RBFOX1: variants seen among roughly 807,000 people sequenced by gnomAD.
RBFOX1 encodes RNA binding protein fox-1 homolog 1.
Under a neutral mutation model 57.7 loss-of-function variants are expected in RBFOX1, and 8 were observed. That is an observed-to-expected ratio of 0.14 (90% CI 0.08 to 0.25). RBFOX1 has a LOEUF of 0.25. RBFOX1 is among the 10% of genes least tolerant of loss of function. RBFOX1 has a pLI of 1.00. For synonymous variants in RBFOX1, 326 were observed against 222.4 expected, an observed-to-expected ratio of 1.47 and a Z score of -4.15; for missense variants, 611 against 548.5, an observed-to-expected ratio of 1.11 and a Z score of -1.14.
intron 3 of RBFOX1, among the ~76,000 whole-genome samples, chr16:6,747,139 G>T (rs748133394): frequency 6.6e-6 from 1 of 152,170 alleles, no homozygotes; most frequent in Non-Finnish European, 1.5e-5. Flanking sequence ...GCCAGGCGCA[G>T]TGGCTCACGC....
intron 2 of RBFOX1, among the ~76,000 whole-genome samples, chr16:5,480,396 C>T (rs1019869599): frequency 6.6e-6 from 1 of 151,482 alleles, no homozygotes; most frequent in Non-Finnish European, 1.5e-5. Flanking sequence ...AAAAACCCAA[C>T]AACACAATTT....
chr16:6,275,643 A>G (rs1218787069), intron 1 of RBFOX1, among the ~76,000 whole-genome samples: 2 of 152,184 alleles, frequency 1.3e-5, no homozygotes, highest in African/African-American at 4.8e-5. Context: ...TGTACTGATG[A>G]TAGTACTACA....
chr16:5,352,187 T>G (rs2065276354), intron 1 of RBFOX1, among the ~76,000 whole-genome samples: 1 of 152,172 alleles, frequency 6.6e-6, no homozygotes, highest in South Asian at 2.1e-4. Flanking sequence ...GGATGCTGCT[T>G]CCCTCTCATG....
At position 6,176,313 on chromosome 16, in the gene RBFOX1, A is replaced by ATTTTTT. The variant is rs34667158; in HGVS notation, c.-126-140662_-126-140657dup. On this transcript the variant is annotated intron_variant, in intron 1 of 15. Coordinates refer to ENST00000550418, the MANE Select transcript of RBFOX1 (RefSeq NM_018723.4). ...GGTGCCCACCGCCATGCCTGACCAAATTTTTTTTTTTTTTTTTTTTTTTTT... is the reference window on the plus strand; with the variant it reads ...GGTGCCCACCGCCATGCCTGACCAAATTTTTTTTTTTTTTTTTTTTTTTTTTTTTTT... Among the ~76,000 whole-genome samples the ATTTTTT allele has an allele frequency of 1.0e-3, 98 of 95,234 alleles. 8 individuals are homozygous for ATTTTTT. The highest frequency in any genetic ancestry group is 4.1e-3 in the African/African-American group (89 of 21,636). The allele number at this position is 95,234 out of a possible 152,430, so 62.5% of individuals were successfully genotyped here. A position where few individuals can be genotyped will look rare whatever the true frequency, so the allele number is the denominator to read the frequency against.
chr16:7,387,397 A>G (rs1171063237), intron 4 of RBFOX1, among the ~76,000 whole-genome samples: 1 of 152,206 alleles, frequency 6.6e-6, no homozygotes, highest in African/African-American at 2.4e-5. Context: ...TCCAGAATTG[A>G]GGCCGTCAGT....
intron 4 of RBFOX1, among the ~76,000 whole-genome samples, chr16:5,907,609 C>G (rs775945505): frequency 6.6e-6 from 1 of 152,052 alleles, no homozygotes; most frequent in Non-Finnish European, 1.5e-5. Flanking sequence ...ATTTAAGTCT[C>G]GTAACAACCC....
intron 3 of RBFOX1, among the ~76,000 whole-genome samples, chr16:6,996,263 C>T (rs143025516): frequency 2.0e-5 from 3 of 152,114 alleles, no homozygotes; most frequent in Non-Finnish European, 4.4e-5. Flanking sequence ...CATATAAATA[C>T]AATGATATTG....
intron 4 of RBFOX1, among the ~76,000 whole-genome samples, chr16:7,508,379 C>G (rs762625096): frequency 4.1e-4 from 63 of 152,100 alleles, no homozygotes; most frequent in Non-Finnish European, 2.5e-4. Context: ...GTCTCTCTTT[C>G]CAAGGTTGAA....
intron 3 of RBFOX1, among the ~76,000 whole-genome samples, chr16:7,025,848 G>C (rs943656684): frequency 7.9e-5 from 12 of 152,124 alleles, no homozygotes; most frequent in African/African-American, 2.7e-4. Context: ...CCAGGTCAGG[G>C]ATTCAAAGCT....
At chr16:7,625,124 C>CA (rs147819949) in intron 10 of RBFOX1, among the ~76,000 whole-genome samples, 2 of 151,956 alleles carry the variant, frequency 1.3e-5, no homozygotes, top group Admixed American at 6.6e-5. Flanking sequence ...ATGCAGCCTG[C>CA]AAAAAACCTG....
chr16:7,321,131 T>A (rs62014052), intron 4 of RBFOX1, among the ~76,000 whole-genome samples: 620 of 25,074 alleles, frequency 0.025, 1 homozygote, highest in South Asian at 0.086. Flanking sequence ...ATACATATAC[T>A]TATACTTATA....
chr16:6,399,611 C>T (rs1473335349), intron 2 of RBFOX1, among the ~76,000 whole-genome samples: 1 of 152,168 alleles, frequency 6.6e-6, no homozygotes, highest in Non-Finnish European at 1.5e-5. Context: ...TCTTGTGAGC[C>T]CTCCAAACTG....
chr16:6,496,639 C>T (rs1486378643), intron 2 of RBFOX1, among the ~76,000 whole-genome samples: 1 of 152,130 alleles, frequency 6.6e-6, no homozygotes. Context: ...CACCAATGCT[C>T]TTGGGGAAAC....
At chr16:5,656,955 A>G (rs2049450893) in intron 3 of RBFOX1, among the ~76,000 whole-genome samples, 2 of 152,152 alleles carry the variant, frequency 1.3e-5, no homozygotes. Flanking sequence ...AAGGGGAGGG[A>G]GAACGTTAGG....
At chr16:5,301,437 G>C (rs1312972085) in intron 1 of RBFOX1, among the ~76,000 whole-genome samples, 1 of 151,966 alleles carries the variant, frequency 6.6e-6, no homozygotes, top group East Asian at 1.9e-4. Context: ...GGCTAACACG[G>C]TGAAACCCCA....
downstream of RBFOX1, among the ~76,000 whole-genome samples, chr16:5,604,829 C>A (rs541721827): frequency 6.6e-6 from 1 of 152,284 alleles, no homozygotes; most frequent in South Asian, 2.1e-4. Context: ...GTTTGACCCT[C>A]CAGACTTCCT....
chr16:5,474,321 C>T (rs961708400), intron 2 of RBFOX1, among the ~76,000 whole-genome samples: 4 of 152,158 alleles, frequency 2.6e-5, no homozygotes, highest in Non-Finnish European at 4.4e-5. Flanking sequence ...GAGGGGACTT[C>T]GTTAAAGCTT....
At chr16:7,545,209 T>C (rs1224601831) in intron 5 of RBFOX1, among the ~76,000 whole-genome samples, 1 of 152,288 alleles carries the variant, frequency 6.6e-6, no homozygotes, top group African/African-American at 2.4e-5. Context: ...AAGTAAAGGT[T>C]GTTTTTGTGG....
intron 3 of RBFOX1, among the ~76,000 whole-genome samples, chr16:6,929,765 C>T (rs1043913313): frequency 2.6e-5 from 4 of 152,062 alleles, no homozygotes; most frequent in Non-Finnish European, 4.4e-5. Context: ...ATGATCGTTT[C>T]AGGGAATATC....
Sources: gnomAD v4.1 joint callset for allele counts (sites outside exome capture counted in the v4.1 genomes callset) on GRCh38, gnomAD v4.1.1 for gene constraint, MANE v1.5 for transcripts, NCBI Gene and HGNC (gene_info 2026-07-23, HGNC 2026-07-21) for gene names.